The following HS1BP3 variants were observed in gnomAD, a reference collection of about 807,000 sequenced individuals.
The protein encoded by HS1BP3 is HCLS1 binding protein 3, also known as HCLS1-binding protein 3.
In HS1BP3, 32 loss-of-function variants were observed where a neutral mutation model predicts 33.5. The ratio of observed to expected loss-of-function variants is 0.95; its 90% CI spans 0.72 to 1.28. The LOEUF is 1.28. Among genes scored for constraint, HS1BP3 ranks in the 50% most tolerant of loss-of-function variants. HS1BP3 has a pLI of 0.00. For missense variants in HS1BP3, 486 were observed against 502.3 expected (o/e 0.97, Z 0.31); for synonymous variants, 187 against 209.2 (o/e 0.89, Z 0.92).
At chr2:20,626,575 C>G (rs1558341536) in intron 4 of HS1BP3, among the ~76,000 whole-genome samples, 1 of 152,176 alleles carries the variant, frequency 6.6e-6, no homozygotes, top group Non-Finnish European at 1.5e-5. Flanking sequence ...CAGGATTGAT[C>G]CTGCTGTTCT....
chr2:20,599,017 G>A (rs926794579), intron 2 of HS1BP3, among the ~76,000 whole-genome samples: 3 of 152,212 alleles, frequency 2.0e-5, no homozygotes, highest in Admixed American at 2.0e-4. Context: ...GGAGTGGGGG[G>A]AATGGGGTGA....
chr2:20,589,055 G>C (rs1256448043), downstream of HS1BP3, among the ~76,000 whole-genome samples: 1 of 152,186 alleles, frequency 6.6e-6, no homozygotes, highest in Non-Finnish European at 1.5e-5. Flanking sequence ...CTTCCATCTG[G>C]GCATCAAACT....
chr2:20,571,635 C>T (rs1336038246), intron 5 of HS1BP3, among the ~76,000 whole-genome samples: 1 of 152,234 alleles, frequency 6.6e-6, no homozygotes, highest in Non-Finnish European at 1.5e-5. Context: ...GATCTTCCCA[C>T]TGCTCACTCC....
At chr2:20,553,863 A>G in the HS1BP3 span, among the ~76,000 whole-genome samples, 4 of 152,224 alleles carry the variant, frequency 2.6e-5, no homozygotes, top group African/African-American at 4.8e-5. Flanking sequence ...AGAACGTGGA[A>G]TGGTCTGAGA....
intron 5 of HS1BP3, among the ~76,000 whole-genome samples, chr2:20,563,675 C>A (rs925868200): frequency 1.3e-5 from 2 of 152,172 alleles, no homozygotes; most frequent in African/African-American, 4.8e-5. Flanking sequence ...CAAAGCTCAC[C>A]AGTACTAAGT....
At chr2:20,628,251 C>T (rs532870686) in intron 4 of HS1BP3, among the ~76,000 whole-genome samples, 74 of 152,224 alleles carry the variant, frequency 4.9e-4, no homozygotes, top group Middle Eastern at 3.4e-3. Context: ...GAGGACGAGC[C>T]GCCGCTGTCC....
At chr2:20,574,709 CG>C (rs1693358513) in intron 5 of HS1BP3, among the ~76,000 whole-genome samples, 1 of 152,202 alleles carries the variant, frequency 6.6e-6, no homozygotes, top group Admixed American at 6.5e-5. Flanking sequence ...CAGCAGCACC[CG>C]GGCAGGCAGT....
At position 20,619,030 on chromosome 2, in the gene HS1BP3, T is replaced by G; in HGVS notation, c.1136A>C (p.Gln379Pro). The stretch of plus-strand genomic sequence containing the variant: ...GGCCTGGGCTGGTGTATCGTGGTCC[T>G]GGATGTACTGCAAGATGTCCATCTC... ...MDEMDILQYI[Q>P]DHDTPAQAAP... The change falls in exon 7 of 7, where the codon CAG becomes CCG. Residue 379 changes from glutamine to proline, a missense_variant. Transcript: ENST00000304031. 6.2e-7 allele frequency: 1 copy of G among 1,614,168 alleles called. No homozygotes were observed. Among genetic ancestry groups the G allele is most frequent in the Non-Finnish European group, 8.5e-7 (1 of 1,180,008 alleles).
chr2:20,582,427 G>A (rs1307164913), intron 5 of HS1BP3, among the ~76,000 whole-genome samples: 2 of 151,954 alleles, frequency 1.3e-5, no homozygotes, highest in African/African-American at 2.4e-5. Context: ...GGGGGAGGGT[G>A]GGCCTCTCAG....
In HS1BP3 at chr2:20,631,389, C is replaced by T. The variant is rs552747532; in HGVS notation, c.624-6497G>A. 1.6e-4 allele frequency among the ~76,000 whole-genome samples: 24 copies of T among 151,814 alleles called. No individual in the cohort carries two copies. The South Asian group carries it at 4.6e-3, about 29-fold the overall frequency. On this transcript the variant is annotated intron_variant, in intron 4 of 6. Transcript: ENST00000304031. ...AAGTAGCCAGGCATGGTAGTGCATGCCTGTAGTTCCAGCTATTTGAGAGGC... is the reference window on the plus strand; with the variant it reads ...AAGTAGCCAGGCATGGTAGTGCATGTCTGTAGTTCCAGCTATTTGAGAGGC...
At chr2:20,569,391 G>C (rs1693212187) in intron 5 of HS1BP3, among the ~76,000 whole-genome samples, 1 of 152,216 alleles carries the variant, frequency 6.6e-6, no homozygotes, top group Non-Finnish European at 1.5e-5. Flanking sequence ...CCTGTGGACA[G>C]ACTGTGGCTG....
intron 6 of HS1BP3, chr2:20,622,229 C>G (rs1288390592): frequency 7.7e-7 from 1 of 1,301,684 alleles, no homozygotes; most frequent in Non-Finnish European, 1.0e-6. Context: ...TCCAACTACT[C>G]CCTGGATAGT....
downstream of HS1BP3, among the ~76,000 whole-genome samples, chr2:20,612,962 C>A (rs1694344903): frequency 6.6e-6 from 1 of 152,246 alleles, no homozygotes; most frequent in East Asian, 1.9e-4. Context: ...GGTCCCGATG[C>A]AAATCCTAGG....
chr2:20,643,370 G>A (rs147610698), intron 2 of HS1BP3, among the ~76,000 whole-genome samples: 99 of 152,248 alleles, frequency 6.5e-4, no homozygotes, highest in African/African-American at 1.9e-3. Context: ...TTCATGCCCC[G>A]CAACATCAAG....
the HS1BP3 span, among the ~76,000 whole-genome samples, chr2:20,555,322 C>T: frequency 1.5e-4 from 23 of 152,314 alleles, no homozygotes; most frequent in African/African-American, 2.9e-4. Flanking sequence ...TAGGCAGTTC[C>T]GGCTGCCTAG....
intron 4 of HS1BP3, among the ~76,000 whole-genome samples, chr2:20,625,870 T>C (rs1694764881): frequency 1.3e-5 from 2 of 152,236 alleles, no homozygotes; most frequent in Non-Finnish European, 2.9e-5. Context: ...TCACTGTAAG[T>C]GATACCGCCA....
rs557147545 is a variant in HS1BP3 at position 20,572,025 on chromosome 2, T to G, written c.303-11510A>C. On this transcript the variant is annotated intron_variant, in intron 5 of 5. Transcript: ENST00000446825. Reference sequence around the variant, plus strand: ...CCAGGCTCAGAGAGGTTGAGTCATATCTAAAGTCACAGAGCTAAGAGCAAG... The same window carrying G: ...CCAGGCTCAGAGAGGTTGAGTCATAGCTAAAGTCACAGAGCTAAGAGCAAG... 7.9e-5 allele frequency among the ~76,000 whole-genome samples: 12 copies of G among 152,344 alleles called. No individual in the cohort carries two copies. The East Asian group carries it at 2.3e-3, about 29-fold the overall frequency.
chr2:20,558,256 G>T (rs1472751260), downstream of HS1BP3, among the ~76,000 whole-genome samples: 2 of 152,180 alleles, frequency 1.3e-5, no homozygotes, highest in Non-Finnish European at 2.9e-5. Flanking sequence ...AACGTTGACG[G>T]TGGGTGGGGA....
At chr2:20,593,630 C>A (rs13004288) in intron 3 of HS1BP3, among the ~76,000 whole-genome samples, 144,994 of 152,096 alleles carry the variant, frequency 0.95, 69,499 homozygotes, top group East Asian at 1. Flanking sequence ...TTGGCTCAGC[C>A]AACACTCCCT....
Sources: gnomAD v4.1 joint callset for allele counts (sites outside exome capture counted in the v4.1 genomes callset) on GRCh38, gnomAD v4.1.1 for gene constraint, MANE v1.5 for transcripts, NCBI Gene and HGNC (gene_info 2026-07-23, HGNC 2026-07-21) for gene names.